DNAH17: variants seen among roughly 807,000 people sequenced by gnomAD.
DNAH17 encodes axonemal beta dynein heavy chain 17.
DNAH17 carries 376 observed loss-of-function variants against 485.6 expected under a neutral mutation model. That is an observed-to-expected ratio of 0.77 (90% CI 0.71 to 0.84). The LOEUF (loss-of-function observed/expected upper bound fraction) is 0.84. Among genes scored for constraint, DNAH17 ranks in the 40% least tolerant of loss-of-function variants. The probability of loss-of-function intolerance (pLI) is 0.00; values close to 1 mark genes in which losing one functional copy is unlikely to be tolerated. For synonymous variants in DNAH17, 3,031 were observed against 2,405.9 expected, an observed-to-expected ratio of 1.26 and a Z score of -7.60; for missense variants, 6,370 against 5,839.3, an observed-to-expected ratio of 1.09 and a Z score of -2.96.
At chr17:78,504,880 T>C (rs561604258) in intron 31 of DNAH17, among the ~76,000 whole-genome samples, 3 of 144,014 alleles carry the variant, frequency 2.1e-5, no homozygotes, top group African/African-American at 7.7e-5. Context: ...AAGGATTCAA[T>C]GATATTAACA....
At chr17:78,450,519 G>T (rs1400730595) in intron 67 of DNAH17, 125 bp from the exon 68 acceptor site, 1 of 1,443,042 alleles carries the variant, frequency 6.9e-7, no homozygotes, top group South Asian at 1.3e-5. Context: ...GCAGCAGCTG[G>T]GTGCAGGATG....
At position 78,460,120 on chromosome 17, in the gene DNAH17, C is replaced by T. The variant is rs1396371182; in HGVS notation, c.9435+42G>A. ...GCCAACAGCGAAGGCAGCTTCCTCT[C>T]CAACCAGGCCAGGGGTCCCCTTTCT... is the stretch of plus-strand genomic sequence containing the variant. On this transcript the variant is annotated intron_variant, in intron 59 of 80. Transcript: ENST00000389840. 6 of 1,579,416 alleles carry T rather than the reference C, an allele frequency of 3.8e-6. No individual in the cohort carries two copies. In the South Asian group the frequency reaches 6.9e-5, roughly 18 times the overall value.
chr17:78,526,756 A>T lies in DNAH17; in HGVS notation c.3625-19T>A. The stretch of plus-strand genomic sequence containing the variant: ...GCTTGAGCTGCGAGAGAAGAGTGCA[A>T]AGTACAGAGAGTCACGGGGCGGCCA... On this transcript the variant is annotated intron_variant, in intron 23 of 80. Transcript: ENST00000389840. 5 of 1,595,352 alleles carry T rather than the reference A, an allele frequency of 3.1e-6. No homozygotes were observed. Among genetic ancestry groups the T allele is most frequent in the Non-Finnish European group, 3.4e-6 (4 of 1,167,220 alleles).
rs55701739 is a variant in DNAH17, at chr17:78,554,436, C to CAAA, written c.2179-1634_2179-1632dup. 6.5e-3 allele frequency among the ~76,000 whole-genome samples: 210 copies of CAAA among 32,256 alleles called. 57 individuals carry two copies. The highest frequency in any genetic ancestry group is 0.014 in the Admixed American group (21 of 1,554). 21.2% of individuals were successfully genotyped at this position (32,256 alleles called of 152,430 possible). A position where few individuals can be genotyped will look rare whatever the true frequency, so the allele number is the denominator to read the frequency against. Reference sequence around the variant, plus strand: ...TGGACAATAGAATGAGACTCTGTCTCAAAAAAAAAAAAAAAAAAAAAAAAA... The same window carrying CAAA: ...TGGACAATAGAATGAGACTCTGTCTCAAAAAAAAAAAAAAAAAAAAAAAAAAAA... On this transcript the variant is annotated intron_variant, in intron 14 of 80. Transcript: ENST00000389840.
At chr17:78,508,291 A>G (rs1423609092) in intron 27 of DNAH17, among the ~76,000 whole-genome samples, 1 of 152,186 alleles carries the variant, frequency 6.6e-6, no homozygotes, top group Non-Finnish European at 1.5e-5. Context: ...TGATACCAGA[A>G]TGAAACGATC....
At chr17:78,453,097 T>C (rs1453723694) in intron 65 of DNAH17, among the ~76,000 whole-genome samples, 1 of 152,198 alleles carries the variant, frequency 6.6e-6, no homozygotes, top group Non-Finnish European at 1.5e-5. Flanking sequence ...CCTTCAAGCC[T>C]CCCCATCTGG....
chr17:78,520,842 T>A (rs911114653), intron 25 of DNAH17, among the ~76,000 whole-genome samples: 7 of 152,202 alleles, frequency 4.6e-5, no homozygotes, highest in Non-Finnish European at 7.4e-5. Context: ...AAAACCCCAA[T>A]AAGGTTTTAT....
At chr17:78,521,764 A>G (rs1016818712) in intron 25 of DNAH17, among the ~76,000 whole-genome samples, 2 of 152,198 alleles carry the variant, frequency 1.3e-5, no homozygotes, top group African/African-American at 4.8e-5. Context: ...AGGCGGGCGC[A>G]TTGCCTGAGC....
rs776568206 is a variant in DNAH17 at position 78,574,821 on chromosome 17, G to A, written c.237C>T (p.Phe79=). 5 of 1,613,962 alleles carry A rather than the reference G, an allele frequency of 3.1e-6. No individual in the cohort carries two copies. Among genetic ancestry groups the A allele is most frequent in the Non-Finnish European group, 2.5e-6 (3 of 1,179,914 alleles). ...TGATGTTCTCGGACTTTGTCTTGATGAAGTAAACCCCTTTGGACTTGAGGG... is the reference window on the plus strand; with the variant it reads ...TGATGTTCTCGGACTTTGTCTTGATAAAGTAAACCCCTTTGGACTTGAGGG... The part of the protein sequence containing the change: ...PQSLKSKGVY[F]IKTKSENINK... The change falls in exon 2 of 81, where the codon TTC becomes TTT. Residue 79 remains phenylalanine (F), a synonymous_variant. Coordinates refer to ENST00000389840, the MANE Select transcript of DNAH17 (RefSeq NM_173628.4).
chr17:78,560,691 C>A, intron 13 of DNAH17, 49 bp downstream of exon 13: 1 of 1,496,038 alleles, frequency 6.7e-7, no homozygotes, highest in Non-Finnish European at 9.0e-7. Flanking sequence ...GCAGGCCCTC[C>A]CCCCGCTCCC....
At chr17:78,485,835 T>C in intron 46 of DNAH17, 78 bp from the exon 47 acceptor site, 3 of 1,574,588 alleles carry the variant, frequency 1.9e-6, no homozygotes, top group South Asian at 1.2e-5. Context: ...GGCCATGTTC[T>C]ACCGAACAGG....
At chr17:78,471,341 G>A (rs889443760) in intron 54 of DNAH17, among the ~76,000 whole-genome samples, 9 of 152,208 alleles carry the variant, frequency 5.9e-5, no homozygotes, top group Non-Finnish European at 1.0e-4. Context: ...GTGGGCAGCA[G>A]GTGGGCCGCA....
rs2088599195 is a variant in DNAH17, at chr17:78,468,611, C to T, written c.8778+6G>A. On this transcript the variant is annotated splice_donor_region_variant and intron_variant, in intron 55 of 80. Coordinates refer to ENST00000389840, the MANE Select transcript of DNAH17 (RefSeq NM_173628.4). ...CTTGAGGCCCTGCCGAAGACGGGAG[C>T]CCCACCTTGAGCTGTCTGCGCACTT... 2 of 1,609,978 alleles carry T rather than the reference C, an allele frequency of 1.2e-6. No individual in the cohort carries two copies. The highest frequency in any genetic ancestry group is 1.7e-6 in the Non-Finnish European group (2 of 1,177,348).
At chr17:78,434,371 A>G (rs976965360) in intron 74 of DNAH17, among the ~76,000 whole-genome samples, 151 bp from the exon 75 acceptor site, 46 of 152,272 alleles carry the variant, frequency 3.0e-4, no homozygotes, top group Non-Finnish European at 5.7e-4. Flanking sequence ...GCAGGTCTCT[A>G]TCAGACCCGC....
intron 65 of DNAH17, among the ~76,000 whole-genome samples, 200 bp from the exon 66 acceptor site, chr17:78,451,873 C>T (rs1014524405): frequency 1.3e-5 from 2 of 152,110 alleles, no homozygotes; most frequent in African/African-American, 2.4e-5. Context: ...GGGAGATGCA[C>T]CTGCTCTTTC....
intron 16 of DNAH17, among the ~76,000 whole-genome samples, chr17:78,544,897 C>T (rs1360152566): frequency 6.7e-6 from 1 of 149,326 alleles, no homozygotes; most frequent in Non-Finnish European, 1.5e-5. Context: ...TTTTTCCCTA[C>T]ACATCTCCAT....
Position 78,500,472 on chromosome 17 carries a change from C to T in DNAH17, c.5484-11G>A. The T allele has an allele frequency of 3.8e-6, 6 of 1,559,520 alleles. No homozygotes were observed. The highest frequency in any genetic ancestry group is 2.8e-5 in the African/African-American group (2 of 72,364). On this transcript the variant is annotated splice_polypyrimidine_tract_variant and intron_variant, in intron 35 of 80. Coordinates refer to ENST00000389840, the MANE Select transcript of DNAH17 (RefSeq NM_173628.4). The stretch of plus-strand genomic sequence containing the variant: ...AGGGTGATATAGCACCTGCAAGTGA[C>T]CACAGGTAAGCGTGTGTGCCAGCGA...
chr17:78,553,513 G>T (rs1033166703), intron 14 of DNAH17, among the ~76,000 whole-genome samples: 7 of 151,910 alleles, frequency 4.6e-5, no homozygotes, highest in Admixed American at 1.3e-4. Context: ...TGTTGGCCAG[G>T]CTGGTCTTGA....
intron 17 of DNAH17, chr17:78,543,636 G>T: frequency 1.6e-6 from 1 of 645,078 alleles, no homozygotes; most frequent in African/African-American, 1.8e-5. Flanking sequence ...CGTTGGTCAA[G>T]CTGGTCTCGA....
Sources: gnomAD v4.1 joint callset for allele counts (sites outside exome capture counted in the v4.1 genomes callset) on GRCh38, gnomAD v4.1.1 for gene constraint, MANE v1.5 for transcripts, NCBI Gene and HGNC (gene_info 2026-07-23, HGNC 2026-07-21) for gene names.